The following KLHL13 variants were observed in gnomAD, a reference collection of about 807,000 sequenced individuals.
KLHL13 encodes the protein kelch like family member 13.
KLHL13 carries 10 observed loss-of-function variants against 37.1 expected under a neutral mutation model. The observed-to-expected ratio is 0.27, with a 90% confidence interval of 0.17 to 0.46. KLHL13 has a LOEUF of 0.46. Among genes scored for constraint, KLHL13 ranks in the 20% least tolerant of loss-of-function variants. The pLI is 1.00. For missense variants in KLHL13, 360 were observed against 509.3 expected (o/e 0.71, Z 2.82); for synonymous variants, 163 against 181.2 (o/e 0.90, Z 0.81).
chrX:117,920,629 A>G (rs1189624662), intron 2 of KLHL13, among the ~76,000 whole-genome samples: 1 of 112,260 alleles, frequency 8.9e-6, no homozygotes, highest in African/African-American at 3.2e-5. Flanking sequence ...ACTTTTGCTT[A>G]TTTACACAAT....
chrX:117,926,811 C>A (rs1932048266), intron 2 of KLHL13, among the ~76,000 whole-genome samples: 1 of 101,557 alleles, frequency 9.8e-6, no homozygotes, highest in African/African-American at 3.6e-5. Flanking sequence ...CCGACCTGGA[C>A]TTAGGGCATC....
chrX:117,931,404 C>G (rs1429981192), intron 2 of KLHL13, among the ~76,000 whole-genome samples: 1 of 111,449 alleles, frequency 9.0e-6, no homozygotes, highest in African/African-American at 3.3e-5. Context: ...CCAGCTGAAG[C>G]ATGATACCCT....
chrX:118,037,802 G>T (rs776497427), intron 1 of KLHL13, among the ~76,000 whole-genome samples: 1 of 111,747 alleles, frequency 8.9e-6, no homozygotes, highest in South Asian at 3.8e-4. Context: ...ATGGAAGAGA[G>T]ATAGACTAGA....
intron 1 of KLHL13, among the ~76,000 whole-genome samples, chrX:117,963,826 G>A (rs1317617273): frequency 1.9e-5 from 2 of 106,858 alleles, no homozygotes; most frequent in Non-Finnish European, 3.8e-5. Flanking sequence ...CAGTGATGAT[G>A]AGCATTACAT....
chrX:117,912,898 A>G (rs972898722), intron 4 of KLHL13, among the ~76,000 whole-genome samples: 1 of 112,054 alleles, frequency 8.9e-6, no homozygotes, highest in African/African-American at 3.2e-5. Context: ...TATAAAAAGT[A>G]AAGATACGAT....
intron 1 of KLHL13, chrX:117,946,963 C>T (rs1050674106): frequency 9.0e-6 from 1 of 111,327 alleles, no homozygotes; most frequent in Non-Finnish European, 1.9e-5. Flanking sequence ...ATAGTATAAC[C>T]AAAAATGAAT....
intron 1 of KLHL13, among the ~76,000 whole-genome samples, chrX:118,098,374 G>A (rs1175593862): frequency 9.0e-6 from 1 of 111,511 alleles, no homozygotes; most frequent in Non-Finnish European, 1.9e-5. Context: ...ACCACAATGA[G>A]ATACCAACTC....
intron 1 of KLHL13, among the ~76,000 whole-genome samples, chrX:118,074,961 G>A (rs182390920): frequency 1.8e-5 from 2 of 111,874 alleles, no homozygotes; most frequent in South Asian, 7.4e-4. Context: ...TACTGGTTCA[G>A]CCCCTTTGGA....
At chrX:117,908,094 T>C (rs1930675509) in intron 5 of KLHL13, among the ~76,000 whole-genome samples, 1 of 106,228 alleles carries the variant, frequency 9.4e-6, no homozygotes, top group African/African-American at 3.4e-5. Context: ...TATTTATTTA[T>C]TTATTTATTT....
Position 118,018,419 on chromosome X carries a change from A to G in KLHL13, c.-55-72844T>C, listed in dbSNP as rs772462255. On this transcript the variant is annotated intron_variant, in intron 1 of 6. Coordinates refer to the KLHL13 transcript ENST00000371882. ...ATATTTGTTGCATCATAAACAGAACAAATATAGATTTTTTACTAGTCCTTT... is the reference window on the plus strand; with the variant it reads ...ATATTTGTTGCATCATAAACAGAACGAATATAGATTTTTTACTAGTCCTTT... Among the ~76,000 whole-genome samples the G allele has an allele frequency of 3.4e-3, 384 of 111,951 alleles. 4 individuals are homozygous for G. The highest frequency in any genetic ancestry group is 0.012 in the African/African-American group (374 of 30,903).
chrX:117,922,629 C>A (rs1177216896), intron 2 of KLHL13, among the ~76,000 whole-genome samples: 3 of 111,210 alleles, frequency 2.7e-5, no homozygotes, highest in Non-Finnish European at 5.7e-5. Context: ...CGTTTGTGTT[C>A]GTTTGTGGTA....
chrX:118,028,920 T>C (rs1295181833), intron 1 of KLHL13, among the ~76,000 whole-genome samples: 1 of 111,876 alleles, frequency 8.9e-6, no homozygotes, highest in Non-Finnish European at 1.9e-5. Flanking sequence ...TTTCACACTA[T>C]CCTGCTGCAC....
intron 1 of KLHL13, among the ~76,000 whole-genome samples, chrX:117,990,256 A>G (rs372710113): frequency 6.3e-5 from 7 of 111,577 alleles, no homozygotes; most frequent in African/African-American, 2.3e-4. Flanking sequence ...GTATATAATA[A>G]CTTTATGATA....
chrX:118,074,222 T>G (rs1202625810), intron 1 of KLHL13, among the ~76,000 whole-genome samples: 2 of 111,925 alleles, frequency 1.8e-5, no homozygotes, highest in Admixed American at 1.9e-4. Context: ...ACCTAAGGGT[T>G]TGTTTGTGAA....
At chrX:118,064,120 T>G (rs2054770870) in intron 1 of KLHL13, among the ~76,000 whole-genome samples, 1 of 111,863 alleles carries the variant, frequency 8.9e-6, no homozygotes, top group South Asian at 3.7e-4. Flanking sequence ...TTTTCCTCTA[T>G]ATCATCAATA....
At chrX:118,044,226 G>C (rs763818669) in intron 1 of KLHL13, among the ~76,000 whole-genome samples, 1 of 111,245 alleles carries the variant, frequency 9.0e-6, no homozygotes, top group African/African-American at 3.3e-5. Flanking sequence ...ATGAAAAATT[G>C]AAGTGGACAC....
chrX:117,898,708 C>T, exon 7 of KLHL13: 1 of 398,780 alleles, frequency 2.5e-6, no homozygotes, highest in Non-Finnish European at 4.2e-6. Context: ...GATACATTTC[C>T]AGAATGGTTG....
intron 2 of KLHL13, among the ~76,000 whole-genome samples, chrX:117,925,072 A>C (rs1231700074): frequency 9.0e-6 from 1 of 111,440 alleles, no homozygotes; most frequent in Non-Finnish European, 1.9e-5. Flanking sequence ...ATAAATTTTA[A>C]AATGATCATA....
chrX:117,953,040 C>T (rs1222231657), intron 1 of KLHL13, among the ~76,000 whole-genome samples: 1 of 111,199 alleles, frequency 9.0e-6, no homozygotes, highest in Non-Finnish European at 1.9e-5. Flanking sequence ...TTTGACCCAG[C>T]CATCCCATTA....
Sources: gnomAD v4.1 joint callset for allele counts (sites outside exome capture counted in the v4.1 genomes callset) on GRCh38, gnomAD v4.1.1 for gene constraint, MANE v1.5 for transcripts, NCBI Gene and HGNC (gene_info 2026-07-23, HGNC 2026-07-21) for gene names.